The following VEGFC variants were observed in gnomAD, a reference collection of about 807,000 sequenced individuals.
The protein encoded by VEGFC is FLT4 ligand DHM.
VEGFC carries 12 observed loss-of-function variants against 46.1 expected under a neutral mutation model. The ratio of observed to expected loss-of-function variants is 0.26; its 90% confidence interval spans 0.17 to 0.42. VEGFC has a LOEUF of 0.42. Among genes scored for constraint, VEGFC ranks in the 10% least tolerant of loss-of-function variants. The pLI is 1.00. For missense variants in VEGFC, 488 were observed against 529.4 expected (o/e 0.92, Z 0.77); for synonymous variants, 232 against 195.5 (o/e 1.19, Z -1.56).
intron 4 of VEGFC, among the ~76,000 whole-genome samples, chr4:176,695,125 A>T (rs1208883417): frequency 4.9e-5 from 7 of 144,152 alleles, no homozygotes; most frequent in African/African-American, 1.0e-4. Flanking sequence ...GAAATAACTA[A>T]AATCAGAGCA....
chr4:176,790,841 T>C (rs1736077823), intron 1 of VEGFC, among the ~76,000 whole-genome samples: 1 of 152,238 alleles, frequency 6.6e-6, no homozygotes, highest in African/African-American at 2.4e-5. Flanking sequence ...AAAGATATTT[T>C]CATCACTATA....
intron 1 of VEGFC, among the ~76,000 whole-genome samples, chr4:176,759,837 G>C (rs961566465): frequency 6.6e-6 from 1 of 151,908 alleles, no homozygotes. Context: ...GGTTTATATC[G>C]CATTTGCCAG....
chr4:176,752,857 T>G (rs182051124), intron 1 of VEGFC, among the ~76,000 whole-genome samples: 29 of 152,210 alleles, frequency 1.9e-4, no homozygotes, highest in Admixed American at 1.3e-3. Context: ...TGTGGCCCAG[T>G]TGCTATTTGT....
chr4:176,741,511 G>C (rs1243377348), intron 1 of VEGFC, among the ~76,000 whole-genome samples: 1 of 151,908 alleles, frequency 6.6e-6, no homozygotes, highest in African/African-American at 2.4e-5. Flanking sequence ...ATTATGCTTT[G>C]TATGTGATGT....
At position 176,698,259 on chromosome 4, in the gene VEGFC, T is replaced by G. The variant is rs1304381533; in HGVS notation, c.705-10332A>C. 5.3e-5 allele frequency among the ~76,000 whole-genome samples: 8 copies of G among 151,942 alleles called. No individual in the cohort carries two copies. In the East Asian group the frequency reaches 1.4e-3, roughly 26 times the overall value. Reference sequence around the variant, plus strand: ...ATTCTACACTCTTTGCCACGGAGGTTTTCCTACACTTGGAGATTTCTTGAC... The same window carrying G: ...ATTCTACACTCTTTGCCACGGAGGTGTTCCTACACTTGGAGATTTCTTGAC... On this transcript the variant is annotated intron_variant, in intron 4 of 6. Transcript: ENST00000618562.
chr4:176,721,187 A>G (rs754899178), intron 3 of VEGFC, among the ~76,000 whole-genome samples: 4 of 152,176 alleles, frequency 2.6e-5, no homozygotes, highest in Non-Finnish European at 5.9e-5. Flanking sequence ...ACACTTAGGT[A>G]GCATCCAGAT....
At chr4:176,724,973 T>C (rs1393311475) in intron 3 of VEGFC, among the ~76,000 whole-genome samples, 3 of 152,068 alleles carry the variant, frequency 2.0e-5, no homozygotes, top group Admixed American at 6.6e-5. Context: ...CACAGTTAAA[T>C]AGAAGGAGTA....
At chr4:176,689,778 A>G (rs1449077776) in intron 4 of VEGFC, 1 of 152,202 alleles carries the variant, frequency 6.6e-6, no homozygotes, top group Non-Finnish European at 1.5e-5. Flanking sequence ...CTCATACAGC[A>G]TATACACGGT....
chr4:176,690,496 A>G (rs1734137078), intron 4 of VEGFC, among the ~76,000 whole-genome samples: 1 of 152,028 alleles, frequency 6.6e-6, no homozygotes, highest in Admixed American at 6.6e-5. Context: ...GTACCTTCCT[A>G]ATAATTTTAG....
chr4:176,761,828 C>T (rs905914415), intron 1 of VEGFC, among the ~76,000 whole-genome samples: 2 of 152,006 alleles, frequency 1.3e-5, no homozygotes, highest in African/African-American at 4.8e-5. Context: ...AGAGAAGAGA[C>T]GAAGGCATGG....
intron 3 of VEGFC, among the ~76,000 whole-genome samples, chr4:176,724,680 C>A (rs1000281727): frequency 6.6e-6 from 1 of 152,046 alleles, no homozygotes; most frequent in Non-Finnish European, 1.5e-5. Flanking sequence ...TGCAAGGGCC[C>A]AGGAGCAGAG....
intron 1 of VEGFC, among the ~76,000 whole-genome samples, chr4:176,770,163 C>T (rs560250180): frequency 1.3e-5 from 2 of 152,276 alleles, no homozygotes; most frequent in East Asian, 3.9e-4. Flanking sequence ...TCTTATCCCT[C>T]TTTTCTCATT....
At chr4:176,750,332 A>C (rs1735321275) in intron 1 of VEGFC, among the ~76,000 whole-genome samples, 1 of 151,796 alleles carries the variant, frequency 6.6e-6, no homozygotes, top group Admixed American at 6.6e-5. Flanking sequence ...ATTTTTATAA[A>C]ACTACATGAT....
intron 1 of VEGFC, among the ~76,000 whole-genome samples, chr4:176,762,650 A>G (rs746434994): frequency 2.8e-4 from 43 of 152,248 alleles, no homozygotes; most frequent in Non-Finnish European, 5.3e-4. Context: ...CTATCTATTT[A>G]TCTACATACA....
intron 1 of VEGFC, among the ~76,000 whole-genome samples, chr4:176,784,022 G>A (rs1436971399): frequency 2.0e-5 from 3 of 149,828 alleles, no homozygotes. Context: ...CTTACTATAT[G>A]CCAATCATGG....
intron 1 of VEGFC, among the ~76,000 whole-genome samples, chr4:176,757,918 T>C (rs907763483): frequency 6.6e-6 from 1 of 152,112 alleles, no homozygotes; most frequent in Non-Finnish European, 1.5e-5. Flanking sequence ...TTATATTTAA[T>C]ATACTGCCTT....
rs186991259 is a variant in VEGFC at position 176,765,946 on chromosome 4, G to A, written c.147+26219C>T. ...ATAGTGGATGTAATAAAAAACAGAG[G>A]GTAATATGGAAAAAAATCTTTAGAA... On this transcript the variant is annotated intron_variant, in intron 1 of 6. Coordinates refer to ENST00000618562, the MANE Select transcript of VEGFC (RefSeq NM_005429.5). 3.3e-3 allele frequency among the ~76,000 whole-genome samples: 501 copies of A among 151,752 alleles called. 5 individuals carry two copies. The highest frequency in any genetic ancestry group is 7.8e-3 in the Admixed American group (119 of 15,246).
At chr4:176,719,931 C>T (rs1306435461) in intron 3 of VEGFC, among the ~76,000 whole-genome samples, 1 of 151,862 alleles carries the variant, frequency 6.6e-6, no homozygotes, top group East Asian at 1.9e-4. Flanking sequence ...TGGTGGTGGA[C>T]ACCTGTAATC....
chr4:176,704,573 A>T (rs1734493215), intron 4 of VEGFC, among the ~76,000 whole-genome samples: 1 of 151,934 alleles, frequency 6.6e-6, no homozygotes. Context: ...TTCTATCCCC[A>T]TATCCACTGC....
Sources: gnomAD v4.1 joint callset for allele counts (sites outside exome capture counted in the v4.1 genomes callset) on GRCh38, gnomAD v4.1.1 for gene constraint, MANE v1.5 for transcripts, NCBI Gene and HGNC (gene_info 2026-07-23, HGNC 2026-07-21) for gene names.